Variants in KCNG2 observed in about 807,000 individuals in gnomAD.
KCNG2 encodes voltage-gated potassium channel regulatory subunit KCNG2.
In KCNG2, 7 loss-of-function variants were observed where a neutral mutation model predicts 12.3. The ratio of observed to expected loss-of-function variants is 0.57; its 90% confidence interval spans 0.32 to 1.07. The LOEUF is 1.07. Ranked by LOEUF, KCNG2 falls within the 50% of genes least tolerant of loss-of-function variation. KCNG2 has a pLI of 0.04. For synonymous variants in KCNG2, 414 were observed against 351.4 expected, an observed-to-expected ratio of 1.18 and a Z score of -1.99; for missense variants, 703 against 726.0, an observed-to-expected ratio of 0.97 and a Z score of 0.36.
chr18:79,816,504 T>C (rs1240287554), intron 1 of KCNG2: 1 of 152,252 alleles, frequency 6.6e-6, no homozygotes, highest in African/African-American at 2.4e-5. Context: ...TGATTGTTAA[T>C]AAAACTTCTT....
chr18:79,887,645 G>A (rs1189858711), intron 3 of KCNG2, among the ~76,000 whole-genome samples: 7 of 152,318 alleles, frequency 4.6e-5, no homozygotes, highest in Non-Finnish European at 8.8e-5. Flanking sequence ...CAAGCCTGGC[G>A]TCCCGAGGGC....
At position 79,829,037 on chromosome 18, in the gene KCNG2, A is replaced by G. The variant is rs1246737477; in HGVS notation, c.-114-27342A>G. On this transcript the variant is annotated intron_variant, in intron 1 of 3. Coordinates refer to ENST00000316249, the MANE Select transcript of KCNG2 (RefSeq NM_012283.2). ...TGCATGTGTCTGTGTGTGGGTGTCT[A>G]TGTGTGCGTGTGTGTAACGTGTCTG... Among the ~76,000 whole-genome samples the G allele has an allele frequency of 1.0e-4, 8 of 78,930 alleles. No individual in the cohort carries two copies. In the South Asian group the frequency reaches 2.1e-3, roughly 21 times the overall value. The allele number at this position is 78,930 out of a possible 152,430, so 51.8% of individuals were successfully genotyped here. A position where few individuals can be genotyped will look rare whatever the true frequency, so the allele number is the denominator to read the frequency against.
intron 1 of KCNG2, among the ~76,000 whole-genome samples, chr18:79,809,331 G>A (rs1304317120): frequency 4.8e-5 from 5 of 103,124 alleles, no homozygotes; most frequent in South Asian, 9.7e-4. Context: ...GCGCTCTGAG[G>A]AGCTGCCGGG....
At chr18:79,856,913 G>C (rs1160553518) in intron 2 of KCNG2, among the ~76,000 whole-genome samples, 1 of 151,524 alleles carries the variant, frequency 6.6e-6, no homozygotes, top group Admixed American at 6.6e-5. Context: ...TGTAGGGCTC[G>C]GGAAATCTCC....
At chr18:79,819,732 T>C (rs1054557847) in intron 1 of KCNG2, among the ~76,000 whole-genome samples, 1 of 152,222 alleles carries the variant, frequency 6.6e-6, no homozygotes, top group Admixed American at 6.5e-5. Flanking sequence ...CCATTTTAAC[T>C]ATTTCAAGTG....
chr18:79,833,126 C>T (rs992867057), intron 1 of KCNG2, among the ~76,000 whole-genome samples: 1 of 152,138 alleles, frequency 6.6e-6, no homozygotes, highest in East Asian at 1.9e-4. Flanking sequence ...CTAAATCTCT[C>T]TTGCTACAGG....
chr18:79,823,820 G>C (rs538504920), intron 1 of KCNG2, among the ~76,000 whole-genome samples: 27 of 152,280 alleles, frequency 1.8e-4, no homozygotes, highest in East Asian at 1.4e-3. Flanking sequence ...GAACTGATGA[G>C]CTAACACCAA....
At chr18:79,857,089 T>C (rs550291430) in intron 2 of KCNG2, among the ~76,000 whole-genome samples, 49 of 426 alleles carry the variant, frequency 0.12, no homozygotes, top group African/African-American at 0.28. Flanking sequence ...CCCACAGCCC[T>C]GTGTGGTATT....
chr18:79,887,596 C>A (rs752856397), intron 3 of KCNG2, among the ~76,000 whole-genome samples: 1 of 152,220 alleles, frequency 6.6e-6, no homozygotes, highest in Non-Finnish European at 1.5e-5. Flanking sequence ...GTTTCAAACC[C>A]GCATCCAGCT....
rs139354071 is a variant in KCNG2, at chr18:79,884,547, T to TCTGGGC, written c.625-14480_625-14475dup. Among the ~76,000 whole-genome samples the TCTGGGC allele has an allele frequency of 5.9e-5, 9 of 151,976 alleles. No homozygotes were observed. Among genetic ancestry groups the TCTGGGC allele is most frequent in the African/African-American group, 1.7e-4 (7 of 41,396 alleles). On this transcript the variant is annotated intron_variant, in intron 3 of 3. Transcript: ENST00000316249. This position sits in a 1 kb window ranked among gnomAD's most constrained non-coding sequence, Gnocchi z 5.5. Reference sequence around the variant, plus strand: ...GATGCAGTGGAGGAGCAGGGCTGGGTCTGGGCCTGGGCCTGGGCGTGGCAG... The same window carrying TCTGGGC: ...GATGCAGTGGAGGAGCAGGGCTGGGTCTGGGCCTGGGCCTGGGCCTGGGCGTGGCAG...
intron 1 of KCNG2, among the ~76,000 whole-genome samples, chr18:79,828,810 CTA>C (rs1460413182): frequency 6.0e-4 from 54 of 89,486 alleles, no homozygotes; most frequent in African/African-American, 2.0e-3. Flanking sequence ...GTGTGGGTGT[CTA>C]TGTGTGCGTG....
intron 1 of KCNG2, among the ~76,000 whole-genome samples, chr18:79,828,891 G>A (rs936750808): frequency 5.0e-5 from 7 of 141,238 alleles, no homozygotes; most frequent in Non-Finnish European, 4.5e-5. Flanking sequence ...TATGTAACAT[G>A]TCCATGATGT....
At chr18:79,801,074 C>T (rs948306628) in intron 1 of KCNG2, among the ~76,000 whole-genome samples, 1 of 152,216 alleles carries the variant, frequency 6.6e-6, no homozygotes, top group African/African-American at 2.4e-5. Flanking sequence ...CAAGAGATGC[C>T]GGGCAGGGCT....
intron 3 of KCNG2, among the ~76,000 whole-genome samples, chr18:79,869,948 C>A: frequency 6.6e-6 from 1 of 152,246 alleles, no homozygotes; most frequent in East Asian, 1.9e-4. Context: ...GGGACACACA[C>A]GGGTCTGAGG....
intron 1 of KCNG2, among the ~76,000 whole-genome samples, chr18:79,847,847 G>T (rs1978676578): frequency 6.6e-6 from 1 of 152,190 alleles, no homozygotes; most frequent in South Asian, 2.1e-4. Flanking sequence ...CAGGGATGGT[G>T]GTGACACAAT....
In KCNG2 at chr18:79,899,107, T is replaced by C. The variant is rs1219758968; in HGVS notation, c.692T>C (p.Phe231Ser). ...LETVCVAWFS[F>S]EFLLRSLQAE... ...ACCGTGTGCGTGGCCTGGTTCTCCT[T>C]CGAGTTCCTGCTGCGCTCCCTGCAG... The change falls in exon 4 of 4, where the codon TTC becomes TCC. Residue 231 changes from phenylalanine to serine, a missense_variant. Transcript: ENST00000316249. 1 of 1,604,308 alleles carries C rather than the reference T, an allele frequency of 6.2e-7. No individual in the cohort carries two copies. Among genetic ancestry groups the C allele is most frequent in the Admixed American group, 1.7e-5 (1 of 59,540 alleles).
chr18:79,881,197 G>T (rs185152109), intron 3 of KCNG2, among the ~76,000 whole-genome samples: 2 of 152,240 alleles, frequency 1.3e-5, no homozygotes, highest in Non-Finnish European at 2.9e-5. Context: ...GAAAGCAAGA[G>T]AATAGAACTG....
chr18:79,814,493 A>G (rs2087514208), intron 1 of KCNG2, among the ~76,000 whole-genome samples: 2 of 152,228 alleles, frequency 1.3e-5, no homozygotes, highest in Admixed American at 6.5e-5. Flanking sequence ...GTCTCAAAAT[A>G]ATCAGACTCT....
At chr18:79,827,468 G>T (rs1033736643) in intron 1 of KCNG2, among the ~76,000 whole-genome samples, 1 of 152,212 alleles carries the variant, frequency 6.6e-6, no homozygotes, top group African/African-American at 2.4e-5. Context: ...AGGGCCTGGG[G>T]ACTGGTAGTT....
Sources: gnomAD v4.1 joint callset for allele counts (sites outside exome capture counted in the v4.1 genomes callset) on GRCh38, gnomAD v4.1.1 for gene constraint, Gnocchi (gnomAD v3.1) non-coding constraint, MANE v1.5 for transcripts, NCBI Gene and HGNC (gene_info 2026-07-23, HGNC 2026-07-21) for gene names.